The following CDH8 variants were observed in gnomAD, a reference collection of about 807,000 sequenced individuals.
CDH8 encodes cadherin-8.
A neutral mutation model predicts 68.1 loss-of-function variants in CDH8; 17 were observed. The ratio of observed to expected loss-of-function variants is 0.25; its 90% confidence interval spans 0.17 to 0.37. The LOEUF (loss-of-function observed/expected upper bound fraction) is 0.37. Among genes scored for constraint, CDH8 ranks in the 10% least tolerant of loss-of-function variants. CDH8 has a pLI of 1.00. For synonymous variants in CDH8, 372 were observed against 365.1 expected (o/e 1.02, Z -0.21); for missense variants, 763 against 999.3 (o/e 0.76, Z 3.19).
At chr16:61,686,359 G>A (rs530388622) in intron 10 of CDH8, among the ~76,000 whole-genome samples, 2 of 151,916 alleles carry the variant, frequency 1.3e-5, no homozygotes, top group African/African-American at 4.8e-5. Context: ...AGAATTGATT[G>A]CCACAACTAT....
intron 8 of CDH8, among the ~76,000 whole-genome samples, chr16:61,766,183 G>C (rs1329824202): frequency 6.8e-6 from 1 of 147,344 alleles, no homozygotes; most frequent in African/African-American, 2.5e-5. Flanking sequence ...TATTATACCA[G>C]TCTAAATACC....
At chr16:61,707,978 C>T (rs912683792) in intron 10 of CDH8, among the ~76,000 whole-genome samples, 2 of 151,928 alleles carry the variant, frequency 1.3e-5, no homozygotes, top group African/African-American at 4.8e-5. Flanking sequence ...AAATGAAAAA[C>T]ATTTTTTCTA....
chr16:61,942,820 C>T (rs1964744510), intron 2 of CDH8, among the ~76,000 whole-genome samples: 2 of 152,156 alleles, frequency 1.3e-5, no homozygotes, highest in South Asian at 4.1e-4. Flanking sequence ...ACCTGTAATC[C>T]CAGCACTTTG....
At chr16:61,676,401 AAG>A (rs1461538103) in intron 10 of CDH8, among the ~76,000 whole-genome samples, 1 of 151,984 alleles carries the variant, frequency 6.6e-6, no homozygotes, top group African/African-American at 2.4e-5. Flanking sequence ...TCAATTAAAT[AAG>A]AGACACTAAA....
chr16:61,830,772 A>G (rs1597003007), intron 4 of CDH8, among the ~76,000 whole-genome samples: 1 of 151,870 alleles, frequency 6.6e-6, no homozygotes, highest in East Asian at 1.9e-4. Context: ...CCTCTGAAGC[A>G]ATTAGTAAAA....
chr16:61,997,762 G>A (rs1255563446), intron 2 of CDH8, among the ~76,000 whole-genome samples: 1 of 152,108 alleles, frequency 6.6e-6, no homozygotes, highest in African/African-American at 2.4e-5. Flanking sequence ...CTTCTACAGG[G>A]TTTTTGTTAA....
intron 2 of CDH8, among the ~76,000 whole-genome samples, chr16:61,979,644 GTTTTTTT>G (rs528627565): frequency 6.8e-6 from 1 of 146,172 alleles, no homozygotes; most frequent in Non-Finnish European, 1.5e-5. Context: ...TTTGTTTTAG[GTTTTTTT>G]TTTTTCTAAG....
At chr16:61,955,170 C>T (rs187889523) in intron 2 of CDH8, among the ~76,000 whole-genome samples, 2 of 152,290 alleles carry the variant, frequency 1.3e-5, no homozygotes, top group Admixed American at 1.3e-4. Context: ...CTTCAGATGT[C>T]CTAGTACCTC....
intron 3 of CDH8, among the ~76,000 whole-genome samples, chr16:61,896,158 C>T (rs1345667504): frequency 7.2e-5 from 11 of 152,162 alleles, no homozygotes; most frequent in Non-Finnish European, 1.0e-4. Flanking sequence ...ACTTCAGCAA[C>T]GCTAGTTTGG....
In CDH8 at chr16:61,753,239, C is replaced by CTT. The variant is rs59736911; in HGVS notation, c.1415-26026_1415-26025dup. On this transcript the variant is annotated intron_variant, in intron 8 of 11. Coordinates refer to ENST00000577390, the MANE Select transcript of CDH8 (RefSeq NM_001796.5). ...TATTATTGACGCTTGATATTTCTTT[C>CTT]TTTTTTTTTTTTTTAATTGAGATAT... Among the ~76,000 whole-genome samples, 730 of 143,982 alleles carry CTT rather than the reference C, an allele frequency of 5.1e-3. 12 individuals carry two copies. The highest frequency in any genetic ancestry group is 0.016 in the Admixed American group (228 of 14,424). 94.5% of individuals were successfully genotyped at this position (143,982 alleles called of 152,430 possible).
chr16:61,741,220 T>C (rs1216728379), intron 8 of CDH8, among the ~76,000 whole-genome samples: 1 of 152,136 alleles, frequency 6.6e-6, no homozygotes, highest in African/African-American at 2.4e-5. Flanking sequence ...CTGTTCAAAT[T>C]TTCCTTTGTT....
At chr16:61,992,358 G>A (rs1035221098) in intron 2 of CDH8, among the ~76,000 whole-genome samples, 3 of 145,630 alleles carry the variant, frequency 2.1e-5, no homozygotes, top group East Asian at 2.1e-4. Context: ...ACCAAACACC[G>A]CATGTTCTCA....
chr16:61,765,774 T>C (rs1214036008), intron 8 of CDH8, among the ~76,000 whole-genome samples: 2 of 151,866 alleles, frequency 1.3e-5, no homozygotes, highest in Admixed American at 1.3e-4. Flanking sequence ...GCTGATTCCG[T>C]GGTAGAAGAG....
chr16:61,751,285 C>T (rs147699095), intron 8 of CDH8, among the ~76,000 whole-genome samples: 37 of 147,194 alleles, frequency 2.5e-4, no homozygotes, highest in African/African-American at 9.0e-4. Context: ...ACATAGACAC[C>T]GTGAAAGTGG....
intron 1 of CDH8, among the ~76,000 whole-genome samples, chr16:62,027,677 G>T (rs1245629330): frequency 6.6e-6 from 1 of 152,180 alleles, no homozygotes; most frequent in Non-Finnish European, 1.5e-5. Flanking sequence ...AAAGCAGGGG[G>T]TGGCGATTCA....
intron 2 of CDH8, among the ~76,000 whole-genome samples, chr16:61,944,259 A>G (rs550698864): frequency 8.2e-4 from 125 of 152,374 alleles, no homozygotes; most frequent in African/African-American, 2.9e-3. Flanking sequence ...GAGAAGCACA[A>G]AGTGACAGGA....
intron 4 of CDH8, among the ~76,000 whole-genome samples, chr16:61,850,945 T>G (rs1962925795): frequency 6.6e-6 from 1 of 152,094 alleles, no homozygotes; most frequent in Admixed American, 6.6e-5. Context: ...GACTAAGCAT[T>G]GAATAATGTG....
chr16:61,729,577 T>C (rs1043446693), intron 8 of CDH8, among the ~76,000 whole-genome samples: 1 of 151,202 alleles, frequency 6.6e-6, no homozygotes, highest in Non-Finnish European at 1.5e-5. Context: ...AACTTCTTTT[T>C]GTAATTCTCT....
At chr16:61,810,495 A>C (rs1961916449) in intron 7 of CDH8, among the ~76,000 whole-genome samples, 1 of 152,052 alleles carries the variant, frequency 6.6e-6, no homozygotes. Context: ...AGAGAGAGAG[A>C]GAAAGACAGG....
Sources: gnomAD v4.1 joint callset for allele counts (sites outside exome capture counted in the v4.1 genomes callset) on GRCh38, gnomAD v4.1.1 for gene constraint, MANE v1.5 for transcripts, NCBI Gene and HGNC (gene_info 2026-07-23, HGNC 2026-07-21) for gene names.